Variants in PLEKHA5 observed in about 807,000 individuals in gnomAD.
The protein encoded by PLEKHA5 is pleckstrin homology domain containing A5, also known as pleckstrin homology domain-containing family A member 5.
In PLEKHA5, 55 loss-of-function variants were observed where a neutral mutation model predicts 181.9. That is an observed-to-expected ratio of 0.30 (90% CI 0.24 to 0.38). The LOEUF (loss-of-function observed/expected upper bound fraction) is 0.38, where lower values mean the gene tolerates loss of function less well. Among genes scored for constraint, PLEKHA5 ranks in the 10% least tolerant of loss-of-function variants. PLEKHA5 has a pLI of 1.00. For synonymous variants in PLEKHA5, 535 were observed against 529.4 expected (o/e 1.01, Z -0.15); for missense variants, 1,432 against 1,549.5 (o/e 0.92, Z 1.27).
intron 12 of PLEKHA5, 61 bp from the exon 13 acceptor site, chr12:19,287,412 T>A: frequency 1.1e-6 from 1 of 896,810 alleles, no homozygotes; most frequent in South Asian, 1.4e-5. Flanking sequence ...TTCTCCTTGC[T>A]GACATTGATA....
Position 19,274,731 on chromosome 12 carries a change from C to A in PLEKHA5, c.1061C>A (p.Ser354Tyr), listed in dbSNP as rs753708842. 6.2e-7 allele frequency: 1 copy of A among 1,614,018 alleles called. No homozygotes were observed. Among genetic ancestry groups the A allele is most frequent in the East Asian group, 2.2e-5 (1 of 44,880 alleles). Residue 354 changes from serine to tyrosine, a missense_variant, in exon 11 of 32, where the codon TCT (serine) becomes TAT (tyrosine). Transcript: ENST00000429027. ...LTKINSVKLNSLPSEYESGSA... is the reference protein window; with the variant it reads ...LTKINSVKLNYLPSEYESGSA... ...AAAATTAATAGTGTAAAGCTGAATT[C>A]TCTGCCATCTGAATATGAGAGTGGG... is the stretch of plus-strand genomic sequence containing the variant.
intron 25 of PLEKHA5, among the ~76,000 whole-genome samples, chr12:19,351,461 T>C (rs1471446080): frequency 3.3e-5 from 5 of 152,182 alleles, no homozygotes; most frequent in Non-Finnish European, 5.9e-5. Flanking sequence ...GGAGGAAGTT[T>C]ATTGATATTA....
intron 15 of PLEKHA5, among the ~76,000 whole-genome samples, chr12:19,293,422 A>T (rs1168965038): frequency 2.6e-5 from 4 of 152,206 alleles, no homozygotes; most frequent in African/African-American, 9.6e-5. Flanking sequence ...CCAGATCTTC[A>T]ATCCAGAGAT....
intron 3 of PLEKHA5, among the ~76,000 whole-genome samples, chr12:19,148,052 T>TTTTA (rs1033892194): frequency 6.6e-6 from 1 of 151,674 alleles, no homozygotes; most frequent in African/African-American, 2.4e-5. Context: ...AAGTATTTTA[T>TTTTA]TTTATTTATT....
chr12:19,260,182 A>G (rs1296959251), intron 6 of PLEKHA5, among the ~76,000 whole-genome samples: 1 of 152,206 alleles, frequency 6.6e-6, no homozygotes, highest in Non-Finnish European at 1.5e-5. Flanking sequence ...TATGAATTGC[A>G]TTTGTATATT....
At chr12:19,306,875 C>G (rs539232846) in intron 15 of PLEKHA5, 15 of 798,198 alleles carry the variant, frequency 1.9e-5, no homozygotes, top group Admixed American at 8.8e-5. Context: ...AGGAGTTATT[C>G]CTGATAAGGC....
chr12:19,164,423 G>A (rs912077613), intron 3 of PLEKHA5, among the ~76,000 whole-genome samples: 2 of 152,074 alleles, frequency 1.3e-5, no homozygotes, highest in Admixed American at 1.3e-4. Flanking sequence ...TCAAACTCCT[G>A]ACCCCAAGTG....
intron 15 of PLEKHA5, among the ~76,000 whole-genome samples, chr12:19,314,584 AGTT>A (rs1421573918): frequency 3.3e-5 from 5 of 152,190 alleles, no homozygotes; most frequent in African/African-American, 1.2e-4. Flanking sequence ...AAGTAAAACT[AGTT>A]GTGACAGTGT....
chr12:19,290,593 A>G (rs900909452), intron 13 of PLEKHA5, 84 bp from the exon 14 acceptor site: 4 of 1,306,854 alleles, frequency 3.1e-6, no homozygotes, highest in Admixed American at 4.8e-5. Context: ...AAACTTGCCA[A>G]GAAATCTTGG....
rs187916437 is a variant in PLEKHA5, at chr12:19,279,128, C to T, written c.1313+4145C>T. The stretch of plus-strand genomic sequence containing the variant: ...TAGCATATTAAAGAGCTCTCTGGTG[C>T]GATAAGATTATATCCTTCCTAATTT... On this transcript the variant is annotated intron_variant, in intron 11 of 31. Coordinates refer to ENST00000429027, the MANE Select transcript of PLEKHA5 (RefSeq NM_001256470.2). Among the ~76,000 whole-genome samples, 381 of 152,172 alleles carry T rather than the reference C, an allele frequency of 2.5e-3. 2 individuals carry two copies. The highest frequency in any genetic ancestry group is 4.3e-3 in the Non-Finnish European group (290 of 68,012).
intron 3 of PLEKHA5, among the ~76,000 whole-genome samples, chr12:19,141,095 G>A (rs2037131062): frequency 6.6e-6 from 1 of 151,992 alleles, no homozygotes; most frequent in Non-Finnish European, 1.5e-5. Context: ...TGCCCAGCCA[G>A]GAAACACTTC....
intron 20 of PLEKHA5, among the ~76,000 whole-genome samples, chr12:19,323,712 A>C (rs1055137202): frequency 6.7e-6 from 1 of 149,730 alleles, no homozygotes; most frequent in African/African-American, 2.5e-5. Flanking sequence ...GCTACTTGGG[A>C]GGCTGAGGCA....
intron 3 of PLEKHA5, among the ~76,000 whole-genome samples, chr12:19,177,850 T>G (rs915957986): frequency 2.6e-5 from 4 of 152,268 alleles, no homozygotes; most frequent in African/African-American, 9.6e-5. Flanking sequence ...GATTTGGCTT[T>G]CTAGTGGTAG....
At chr12:19,340,938 T>G (rs895223872) in intron 21 of PLEKHA5, among the ~76,000 whole-genome samples, 1 of 94,090 alleles carries the variant, frequency 1.1e-5, no homozygotes, top group African/African-American at 3.6e-5. Flanking sequence ...CACCCAAGAA[T>G]GATCAATAAA....
chr12:19,152,977 C>T (rs1400043379), intron 3 of PLEKHA5: 3 of 147,490 alleles, frequency 2.0e-5, no homozygotes, highest in Non-Finnish European at 4.5e-5. Flanking sequence ...TGTCAGTCTT[C>T]TGTAAATTAA....
At chr12:19,223,005 T>TG (rs1260663161) in intron 3 of PLEKHA5, among the ~76,000 whole-genome samples, 1 of 149,932 alleles carries the variant, frequency 6.7e-6, no homozygotes, top group African/African-American at 2.5e-5. Flanking sequence ...TTTGTCTTTT[T>TG]TTTTTTTTTT....
Position 19,274,678 on chromosome 12 carries a change from G to A in PLEKHA5, c.1008G>A (p.Gln336=). The A allele has an allele frequency of 6.2e-7, 1 of 1,614,134 alleles. No homozygotes were observed. Among genetic ancestry groups the A allele is most frequent in the Non-Finnish European group, 8.5e-7 (1 of 1,179,976 alleles). The part of the protein sequence containing the change: ...KALEAEKYGF[Q]KDGQDRPLTK... ...TAGAAGCTGAAAAATATGGATTTCA[G>A]AAGGATGGTCAAGATAGACCCTTAA... The change falls in exon 11 of 32, where the codon CAG becomes CAA. Residue 336 remains glutamine (Q), a synonymous_variant. Transcript: ENST00000429027.
intron 25 of PLEKHA5, among the ~76,000 whole-genome samples, chr12:19,352,721 A>T (rs1053190262): frequency 1.4e-4 from 21 of 151,616 alleles, no homozygotes; most frequent in African/African-American, 4.8e-4. Flanking sequence ...TGGCCAAAAG[A>T]GGGCATTTTA....
intron 20 of PLEKHA5, among the ~76,000 whole-genome samples, chr12:19,332,809 GCCA>G (rs1383813874): frequency 1.3e-5 from 2 of 152,070 alleles, no homozygotes; most frequent in African/African-American, 2.4e-5. Context: ...ACAGACATGC[GCCA>G]CCATACCTAA....
Sources: gnomAD v4.1 joint callset for allele counts (sites outside exome capture counted in the v4.1 genomes callset) on GRCh38, gnomAD v4.1.1 for gene constraint, MANE v1.5 for transcripts, NCBI Gene and HGNC (gene_info 2026-07-23, HGNC 2026-07-21) for gene names.